Variants in ATP2C1 observed in about 807,000 individuals in gnomAD.
The protein encoded by ATP2C1 is calcium-transporting ATPase type 2C member 1.
Under a neutral mutation model 120.5 loss-of-function variants are expected in ATP2C1, and 31 were observed. The observed-to-expected ratio is 0.26, with a 90% CI of 0.19 to 0.35. The LOEUF (loss-of-function observed/expected upper bound fraction) is 0.35. Among genes scored for constraint, ATP2C1 ranks in the 10% least tolerant of loss-of-function variants. ATP2C1 has a pLI of 1.00. For synonymous variants in ATP2C1, 351 were observed against 358.7 expected (o/e 0.98, Z 0.24); for missense variants, 731 against 1,107.5 (o/e 0.66, Z 4.83).
intron 1 of ATP2C1, chr3:130,855,978 G>T (rs531975284): frequency 3.3e-5 from 5 of 150,958 alleles, no homozygotes; most frequent in African/African-American, 1.2e-4. Flanking sequence ...CTTGAACAGA[G>T]ATTTTTTTTT....
chr3:130,853,735 T>C (rs76812013), intron 1 of ATP2C1, among the ~76,000 whole-genome samples: 3,527 of 152,262 alleles, frequency 0.023, 143 homozygotes, highest in African/African-American at 0.08. Flanking sequence ...ATGTAGTAAA[T>C]CATGTGATTT....
chr3:130,962,738 G>A (rs866538301), intron 12 of ATP2C1, among the ~76,000 whole-genome samples: 2,470 of 134,904 alleles, frequency 0.018, 84 homozygotes, highest in African/African-American at 0.063. Context: ...AAAAAGAAAA[G>A]AAAAAAGAAA....
intron 2 of ATP2C1, chr3:130,928,104 A>C (rs1285956544): frequency 2.0e-5 from 3 of 152,274 alleles, no homozygotes; most frequent in Non-Finnish European, 4.4e-5. Flanking sequence ...ATCTCCTTGT[A>C]TTCCTGAAAT....
chr3:131,011,966 G>A lies in ATP2C1; in HGVS notation c.2630-4186G>A, dbSNP rs575707218. ...TATACACCAGAGTAGTATACTTAAAGGGACATTATTAGACTGTCACTGCTT... is the reference window on the plus strand; with the variant it reads ...TATACACCAGAGTAGTATACTTAAAAGGACATTATTAGACTGTCACTGCTT... On this transcript the variant is annotated intron_variant, in intron 26 of 26. Coordinates refer to the ATP2C1 transcript ENST00000328560. 3.9e-5 allele frequency among the ~76,000 whole-genome samples: 6 copies of A among 152,240 alleles called. 1 individual carries two copies. Among genetic ancestry groups the A allele is most frequent in the African/African-American group, 1.4e-4 (6 of 41,514 alleles).
chr3:130,977,361 CTT>C (rs2061571221), intron 18 of ATP2C1, among the ~76,000 whole-genome samples: 1 of 152,100 alleles, frequency 6.6e-6, no homozygotes. Flanking sequence ...TTTCTTTCCT[CTT>C]TTGAACTTCT....
At chr3:130,970,249 C>T (rs997574280) in intron 17 of ATP2C1, among the ~76,000 whole-genome samples, 7 of 151,786 alleles carry the variant, frequency 4.6e-5, no homozygotes, top group South Asian at 2.1e-4. Context: ...ACCTGGGAGG[C>T]GGAGGTTGCA....
At chr3:130,921,042 A>G (rs1417870156) in intron 2 of ATP2C1, among the ~76,000 whole-genome samples, 1 of 150,498 alleles carries the variant, frequency 6.6e-6, no homozygotes, top group Non-Finnish European at 1.5e-5. Context: ...GTTTATTCTA[A>G]CAGTTTTTTA....
intron 2 of ATP2C1, among the ~76,000 whole-genome samples, chr3:130,915,250 C>T (rs775457052): frequency 2.0e-5 from 3 of 151,990 alleles, no homozygotes; most frequent in South Asian, 2.1e-4. Context: ...CCTGCCACTA[C>T]GTCCAGCTAA....
chr3:131,014,004 G>A, intron 26 of ATP2C1: 1 of 1,362,136 alleles, frequency 7.3e-7, no homozygotes, highest in Non-Finnish European at 9.9e-7. Flanking sequence ...GGTAACGGAA[G>A]AATTTTAAGT....
chr3:130,969,341 C>A lies in ATP2C1; in HGVS notation c.1358C>A (p.Pro453His). 1 of 1,613,920 alleles carries A rather than the reference C, an allele frequency of 6.2e-7. No individual in the cohort carries two copies. Among genetic ancestry groups the A allele is most frequent in the East Asian group, 2.2e-5 (1 of 44,814 alleles). Residue 453 changes from proline to histidine, a missense_variant, in exon 17 of 28, where the codon CCT becomes CAT. Pro to His is a moderately conservative substitution (Grantham distance 77). Around this residue, in one of 3 missense-constraint regions of ATP2C1, gnomAD observed 571 missense variants for 845.9 expected, o/e 0.67. Coordinates refer to ENST00000510168, the MANE Select transcript of ATP2C1 (RefSeq NM_001378687.1). Reference protein sequence around the residue: ...QQDYIRKAEYPFSSEQKWMAV... With the variant: ...QQDYIRKAEYHFSSEQKWMAV... Reference sequence around the variant, plus strand: ...GACTACATCAGAAAAGCTGAATACCCTTTTAGCTCTGAGCAAAAGTGGATG... The same window carrying A: ...GACTACATCAGAAAAGCTGAATACCATTTTAGCTCTGAGCAAAAGTGGATG...
At chr3:130,963,609 C>G (rs1705329602) in intron 12 of ATP2C1, 1 of 261,940 alleles carries the variant, frequency 3.8e-6, no homozygotes. Flanking sequence ...TTGCCGTGAA[C>G]ATTCATGTAT....
intron 8 of ATP2C1, among the ~76,000 whole-genome samples, chr3:130,953,528 A>G (rs1419139555): frequency 1.3e-5 from 2 of 152,188 alleles, no homozygotes; most frequent in African/African-American, 4.8e-5. Flanking sequence ...TTTTCTCTAG[A>G]TGAAGATTGA....
chr3:130,928,916 G>C (rs2059333654), intron 2 of ATP2C1, among the ~76,000 whole-genome samples: 1 of 151,920 alleles, frequency 6.6e-6, no homozygotes, highest in African/African-American at 2.4e-5. Context: ...CATTTTGGGG[G>C]GAATCTTCTC....
At chr3:130,905,668 C>T (rs1391899145) in intron 2 of ATP2C1, among the ~76,000 whole-genome samples, 7 of 152,048 alleles carry the variant, frequency 4.6e-5, no homozygotes, top group Non-Finnish European at 1.5e-5. Context: ...TGTTTGTATG[C>T]TGTTTTAAGT....
At chr3:130,921,899 A>G (rs1258286647) in intron 2 of ATP2C1, among the ~76,000 whole-genome samples, 1 of 152,082 alleles carries the variant, frequency 6.6e-6, no homozygotes, top group Non-Finnish European at 1.5e-5. Flanking sequence ...ATCTATATTT[A>G]TTAAGGATAT....
At chr3:130,963,694 A>G in intron 12 of ATP2C1, 1 of 420,450 alleles carries the variant, frequency 2.4e-6, no homozygotes, top group Non-Finnish European at 4.4e-6. Flanking sequence ...TAGATTAGTA[A>G]GTAGCCCAGG....
At chr3:131,006,907 A>G (rs780681249), downstream of ATP2C1, among the ~76,000 whole-genome samples, 40 of 152,094 alleles carry the variant, frequency 2.6e-4, no homozygotes, top group Non-Finnish European at 5.1e-4. Context: ...GGCTCAAGCA[A>G]TCTGCCCACT....
chr3:130,972,223 T>C lies in ATP2C1; in HGVS notation c.1413+2827T>C, dbSNP rs2061347839. On this transcript the variant is annotated intron_variant, in intron 17 of 27. Transcript: ENST00000510168. ...CTGACAGGAGATTGAGCTCAGGCAGTAGTGCTCTCTTGCCTGCAGCCCACT... is the reference window on the plus strand; with the variant it reads ...CTGACAGGAGATTGAGCTCAGGCAGCAGTGCTCTCTTGCCTGCAGCCCACT... Among the ~76,000 whole-genome samples the C allele has an allele frequency of 3.3e-5, 5 of 152,280 alleles. 1 individual carries two copies. In the South Asian group the frequency reaches 1.0e-3, roughly 32 times the overall value.
At chr3:130,932,788 C>T (rs1046118762) in intron 4 of ATP2C1, among the ~76,000 whole-genome samples, 1 of 152,110 alleles carries the variant, frequency 6.6e-6, no homozygotes, top group Non-Finnish European at 1.5e-5. Context: ...CTAAAAACTT[C>T]TTTTTAGTAA....
Sources: allele counts gnomAD v4.1 joint callset (sites outside exome capture counted in the v4.1 genomes callset), GRCh38; gene constraint gnomAD v4.1.1; regional missense constraint gnomAD v4.1.1; transcripts MANE v1.5; gene names NCBI Gene and HGNC (gene_info 2026-07-23, HGNC 2026-07-21).